RICTOR: variants seen among roughly 807,000 people sequenced by gnomAD.
The protein encoded by RICTOR is rapamycin-insensitive companion of mTOR.
In RICTOR, 49 loss-of-function variants were observed where a neutral mutation model predicts 214.9. The ratio of observed to expected loss-of-function variants is 0.23; its 90% CI spans 0.18 to 0.29. RICTOR has a LOEUF of 0.29. Ranked by LOEUF, RICTOR falls within the 10% of genes least tolerant of loss-of-function variation. The probability of loss-of-function intolerance (pLI) is 1.00; values close to 1 mark genes in which losing one functional copy is unlikely to be tolerated. For missense variants in RICTOR, 1,625 were observed against 2,047.0 expected, an observed-to-expected ratio of 0.79 and a Z score of 3.98; for synonymous variants, 717 against 711.3, an observed-to-expected ratio of 1.01 and a Z score of -0.13.
intron 11 of RICTOR, chr5:38,971,655 ACACGC>A (rs2150041893): frequency 3.1e-6 from 1 of 326,994 alleles, no homozygotes; most frequent in South Asian, 4.4e-5. Context: ...TTCTGGGATT[ACACGC>A]ATGAGCCACC....
chr5:39,030,085 A>G (rs1756158869), intron 2 of RICTOR, among the ~76,000 whole-genome samples: 1 of 152,172 alleles, frequency 6.6e-6, no homozygotes, highest in Non-Finnish European at 1.5e-5. Context: ...ATATAGAAAT[A>G]TTCAAACCAT....
chr5:39,058,261 A>T (rs1349264571), intron 2 of RICTOR, among the ~76,000 whole-genome samples: 1 of 152,092 alleles, frequency 6.6e-6, no homozygotes, highest in Non-Finnish European at 1.5e-5. Flanking sequence ...CAAGTACAAC[A>T]AAAGAAAAAT....
In RICTOR at chr5:39,002,650, A is replaced by G. The variant is rs1317092977; in HGVS notation, c.277T>C (p.Leu93=). The G allele has an allele frequency of 6.2e-7, 1 of 1,607,580 alleles. No individual in the cohort carries two copies. Among genetic ancestry groups the G allele is most frequent in the African/African-American group, 1.3e-5 (1 of 74,500 alleles). ...DIIICLRLAL[L]NEAKEVRAAG... Reference sequence around the variant, plus strand: ...GCTCGCACTTCTTTTGCTTCATTTAATAAAGCTAACCGCAAACTGTATGAA... The same window carrying G: ...GCTCGCACTTCTTTTGCTTCATTTAGTAAAGCTAACCGCAAACTGTATGAA... The change falls in exon 5 of 38, where the codon TTA becomes CTA. Residue 93 remains leucine, a synonymous_variant. Transcript: ENST00000357387.
At chr5:39,028,972 TAAGAAA>T (rs1756069143) in intron 2 of RICTOR, among the ~76,000 whole-genome samples, 1 of 152,132 alleles carries the variant, frequency 6.6e-6, no homozygotes, top group African/African-American at 2.4e-5. Context: ...TCAAAAATGT[TAAGAAA>T]AAGAAGCCAG....
chr5:38,942,215 G>T lies in RICTOR; in HGVS notation c.*89C>A, dbSNP rs1247361843. 12 of 728,892 alleles carry T rather than the reference G, an allele frequency of 1.6e-5. No homozygotes were observed. Among genetic ancestry groups the T allele is most frequent in the Non-Finnish European group, 2.8e-5 (12 of 427,834 alleles). 45.2% of individuals were successfully genotyped at this position (728,892 alleles called of 1,614,324 possible). On this transcript the variant is annotated 3_prime_UTR_variant, in exon 38 of 38. Transcript: ENST00000357387. ...TACAGAAGATACTCCTGTCTTTGCT[G>T]CCTAGTCAGTCGTATTTTCTGAGGC... is the stretch of plus-strand genomic sequence containing the variant.
At chr5:39,002,169 CAAAAA>C (rs70982532) in intron 5 of RICTOR, among the ~76,000 whole-genome samples, 48,671 of 122,812 alleles carry the variant, frequency 0.4, 8,438 homozygotes, top group East Asian at 0.48. Flanking sequence ...TGTTACACAG[CAAAAA>C]AAAAAAAAAA....
intron 2 of RICTOR, among the ~76,000 whole-genome samples, chr5:39,039,082 G>C (rs2150165782): frequency 6.6e-6 from 1 of 152,302 alleles, no homozygotes. Context: ...CAAGGCTACA[G>C]TAACCAAAAC....
intron 2 of RICTOR, among the ~76,000 whole-genome samples, chr5:39,071,131 C>T (rs1368276109): frequency 6.6e-6 from 1 of 152,074 alleles, no homozygotes; most frequent in African/African-American, 2.4e-5. Flanking sequence ...CAAGGCTAGC[C>T]AAGTCATTAT....
At chr5:38,998,357 T>A (rs1250632354) in intron 5 of RICTOR, among the ~76,000 whole-genome samples, 1 of 152,180 alleles carries the variant, frequency 6.6e-6, no homozygotes, top group Non-Finnish European at 1.5e-5. Flanking sequence ...GGCTAATTTT[T>A]GTTTTCTTAA....
intron 3 of RICTOR, among the ~76,000 whole-genome samples, chr5:39,009,020 A>G (rs1393024710): frequency 2.0e-5 from 3 of 152,078 alleles, no homozygotes; most frequent in Non-Finnish European, 4.4e-5. Flanking sequence ...CTTAAATTAT[A>G]ATTTACACAT....
At chr5:38,992,386 G>A (rs890662861) in intron 6 of RICTOR, among the ~76,000 whole-genome samples, 6 of 152,124 alleles carry the variant, frequency 3.9e-5, no homozygotes, top group Middle Eastern at 3.4e-3. Flanking sequence ...CTTATAAGGA[G>A]CTTATGAGAA....
Position 38,979,844 on chromosome 5 carries a change from T to C in RICTOR, c.754-1194A>G, listed in dbSNP as rs72732745. On this transcript the variant is annotated intron_variant, in intron 8 of 37. Coordinates refer to ENST00000357387, the MANE Select transcript of RICTOR (RefSeq NM_152756.5). ...AACAAAGTTTTGGCCACTTTCTCTT[T>C]GGATCTTTGCTTCTGCCAATTTTTT... 5.1e-3 allele frequency among the ~76,000 whole-genome samples: 776 copies of C among 152,372 alleles called. 7 individuals are homozygous for C. The highest frequency in any genetic ancestry group is 0.014 in the Middle Eastern group (4 of 294).
chr5:38,954,278 A>G (rs1280749826), intron 27 of RICTOR, among the ~76,000 whole-genome samples: 4 of 151,970 alleles, frequency 2.6e-5, no homozygotes, highest in Non-Finnish European at 2.9e-5. Context: ...TGTACATATT[A>G]TAACTCAAAG....
chr5:38,956,060 C>T (rs1189798625), intron 25 of RICTOR, among the ~76,000 whole-genome samples: 1 of 151,958 alleles, frequency 6.6e-6, no homozygotes, highest in Admixed American at 6.6e-5. Flanking sequence ...AAATTAGAAA[C>T]CTTATGAGCC....
intron 7 of RICTOR, among the ~76,000 whole-genome samples, chr5:38,984,036 C>T (rs996215963): frequency 5.9e-5 from 6 of 102,364 alleles, no homozygotes; most frequent in Admixed American, 4.8e-4. Flanking sequence ...GATAACACTA[C>T]GTAAGAATTA....
At chr5:38,980,284 G>A (rs928372347) in intron 8 of RICTOR, among the ~76,000 whole-genome samples, 1 of 151,498 alleles carries the variant, frequency 6.6e-6, no homozygotes, top group African/African-American at 2.4e-5. Flanking sequence ...GTCTTTTTAC[G>A]TGACTAATTT....
chr5:38,940,935 A>C lies in RICTOR; in HGVS notation c.*1369T>G, dbSNP rs895402352. 5 of 232,648 alleles carry C rather than the reference A, an allele frequency of 2.1e-5. No individual in the cohort carries two copies. The highest frequency in any genetic ancestry group is 8.8e-5 in the African/African-American group (4 of 45,448). The allele number at this position is 232,648 out of a possible 1,614,324, so 14.4% of individuals were successfully genotyped here. A position where few individuals can be genotyped will look rare whatever the true frequency, so the allele number is the denominator to read the frequency against. On this transcript the variant is annotated 3_prime_UTR_variant, in exon 38 of 38. Coordinates refer to ENST00000357387, the MANE Select transcript of RICTOR (RefSeq NM_152756.5). ...TGTAATTGTAATAAAAATGTTATAC[A>C]CAAATGAATTAAAAAAGAATCCTAA... is the stretch of plus-strand genomic sequence containing the variant.
At chr5:38,977,997 A>T (rs1346113558) in intron 9 of RICTOR, among the ~76,000 whole-genome samples, 1 of 152,158 alleles carries the variant, frequency 6.6e-6, no homozygotes, top group Non-Finnish European at 1.5e-5. Context: ...ACCAGAAAAA[A>T]CACTAGATAG....
chr5:39,074,246 T>C (rs2150230145), intron 1 of RICTOR, 83 bp downstream of exon 1: 1 of 1,580,812 alleles, frequency 6.3e-7, no homozygotes, highest in Non-Finnish European at 8.6e-7. Flanking sequence ...CCCGGCTCGC[T>C]CCCCAACCCA....
Sources: gnomAD v4.1 joint callset for allele counts (sites outside exome capture counted in the v4.1 genomes callset) on GRCh38, gnomAD v4.1.1 for gene constraint, MANE v1.5 for transcripts, NCBI Gene and HGNC (gene_info 2026-07-23, HGNC 2026-07-21) for gene names.